CNOT1: variants seen among roughly 807,000 people sequenced by gnomAD.
The protein encoded by CNOT1 is CCR4-NOT transcription complex subunit 1, also known as CCR4-associated factor 1.
CNOT1 carries 15 observed loss-of-function variants against 273.8 expected under a neutral mutation model. The ratio of observed to expected loss-of-function variants is 0.05; its 90% confidence interval spans 0.04 to 0.08. The LOEUF (loss-of-function observed/expected upper bound fraction) is 0.08, where lower values mean the gene tolerates loss of function less well. Among genes scored for constraint, CNOT1 ranks in the 10% least tolerant of loss-of-function variants. The probability of loss-of-function intolerance (pLI) is 1.00; values close to 1 mark genes in which losing one functional copy is unlikely to be tolerated. For missense variants in CNOT1, 1,644 were observed against 2,912.2 expected (o/e 0.56, Z 10.02); for synonymous variants, 1,022 against 1,005.5 (o/e 1.02, Z -0.31).
intron 30 of CNOT1, 30 bp from the exon 31 acceptor site, chr16:58,543,933 C>A: frequency 6.4e-7 from 1 of 1,560,532 alleles, no homozygotes; most frequent in East Asian, 2.3e-5. Context: ...AAAGTCAACA[C>A]CTTGTTTAAA....
chr16:58,619,355 C>T (rs2043216687), intron 1 of CNOT1, among the ~76,000 whole-genome samples: 1 of 152,022 alleles, frequency 6.6e-6, no homozygotes, highest in Admixed American at 6.6e-5. Context: ...AGCAGAACTG[C>T]AAATTTATTA....
intron 1 of CNOT1, among the ~76,000 whole-genome samples, chr16:58,606,704 G>A (rs1167321007): frequency 6.6e-6 from 1 of 151,996 alleles, no homozygotes; most frequent in Non-Finnish European, 1.5e-5. Context: ...TAGGGAGGCT[G>A]AGGCAGGGAG....
chr16:58,523,752 A>G (rs548315750), intron 46 of CNOT1: 1 of 313,152 alleles, frequency 3.2e-6, no homozygotes, highest in East Asian at 5.5e-5. Flanking sequence ...TGTAAGAAAC[A>G]TGAACTATTT....
chr16:58,585,429 T>A lies in CNOT1; in HGVS notation c.715A>T (p.Ile239Phe). Residue 239 changes from isoleucine to phenylalanine, a missense_variant, in exon 8 of 49, where the codon ATC becomes TTC. This residue lies in a region of CNOT1 where 706 missense variants were observed against 1,021.2 expected (regional missense o/e 0.69). Coordinates refer to ENST00000317147, the MANE Select transcript of CNOT1 (RefSeq NM_016284.5). Reference sequence around the variant, plus strand: ...GCTACCCCTCCGGAATCAGGCAGGATCCTGTCCATTAGAATGTCCCGTTTT... The same window carrying A: ...GCTACCCCTCCGGAATCAGGCAGGAACCTGTCCATTAGAATGTCCCGTTTT... Reference protein sequence around the residue: ...PEKRDILMDRILPDSGGVAKT... With the variant: ...PEKRDILMDRFLPDSGGVAKT... 1 of 1,613,880 alleles carries A rather than the reference T, an allele frequency of 6.2e-7. No homozygotes were observed. Among genetic ancestry groups the A allele is most frequent in the Non-Finnish European group, 8.5e-7 (1 of 1,180,014 alleles).
intron 1 of CNOT1, among the ~76,000 whole-genome samples, chr16:58,602,515 T>C (rs2042503695): frequency 8.1e-6 from 1 of 123,734 alleles, no homozygotes. Flanking sequence ...ATCACACCAC[T>C]GCACTCTGGC....
At chr16:58,527,484 G>A (rs769450071) in intron 44 of CNOT1, among the ~76,000 whole-genome samples, 73 of 151,952 alleles carry the variant, frequency 4.8e-4, no homozygotes, top group African/African-American at 1.2e-3. Context: ...CTGAGATTGC[G>A]CCACTGCACT....
intron 1 of CNOT1, among the ~76,000 whole-genome samples, chr16:58,600,863 G>A (rs561242517): frequency 6.6e-6 from 1 of 152,340 alleles, no homozygotes; most frequent in East Asian, 1.9e-4. Flanking sequence ...ACTTTGGGAG[G>A]ATGAGGTGGG....
In CNOT1 at chr16:58,553,762, T is replaced by G. The variant is rs758608790; in HGVS notation, c.2970+20A>C. The G allele has an allele frequency of 6.2e-7, 1 of 1,604,330 alleles. No individual in the cohort carries two copies. Among genetic ancestry groups the G allele is most frequent in the African/African-American group, 1.4e-5 (1 of 74,062 alleles). On this transcript the variant is annotated intron_variant, in intron 22 of 48. Transcript: ENST00000317147. ...AAATACTACATAGCTATTTGGGTTT[T>G]AGTTACAGAGGGCACTTACCTCCTG...
intron 16 of CNOT1, among the ~76,000 whole-genome samples, chr16:58,571,784 C>A (rs1203889219): frequency 6.6e-6 from 1 of 151,990 alleles, no homozygotes; most frequent in Non-Finnish European, 1.5e-5. Flanking sequence ...TTGAGACCAG[C>A]CAGGCCAACA....
intron 31 of CNOT1, 42 bp downstream of exon 31, chr16:58,543,565 G>A: frequency 6.2e-7 from 1 of 1,613,906 alleles, no homozygotes; most frequent in Non-Finnish European, 8.5e-7. Flanking sequence ...CAGACAAGCA[G>A]TAATACGTTT....
At chr16:58,531,043 CTT>C (rs1360366850) in intron 42 of CNOT1, among the ~76,000 whole-genome samples, 6 of 152,290 alleles carry the variant, frequency 3.9e-5, no homozygotes, top group African/African-American at 1.4e-4. Context: ...CAGCCATTTC[CTT>C]TCTCTCTTCC....
chr16:58,546,807 T>A (rs2040270022), intron 27 of CNOT1, 58 bp from the exon 28 acceptor site: 1 of 1,605,060 alleles, frequency 6.2e-7, no homozygotes, highest in African/African-American at 1.3e-5. Flanking sequence ...TTTGGATTAT[T>A]TAAAACAATT....
intron 2 of CNOT1, among the ~76,000 whole-genome samples, chr16:58,590,712 C>G (rs1269864197): frequency 1.3e-5 from 2 of 152,206 alleles, no homozygotes; most frequent in African/African-American, 4.8e-5. Flanking sequence ...TTACAGTGAG[C>G]TATGATGGTG....
At chr16:58,544,234 C>T (rs1204755148) in intron 30 of CNOT1, among the ~76,000 whole-genome samples, 1 of 152,066 alleles carries the variant, frequency 6.6e-6, no homozygotes, top group African/African-American at 2.4e-5. Context: ...TAAAAGAAAG[C>T]AACTTCTCCA....
chr16:58,607,721 C>CAAAAAAAAAAAAAAA (rs71385179), intron 1 of CNOT1, among the ~76,000 whole-genome samples: 29 of 66,986 alleles, frequency 4.3e-4, no homozygotes, highest in Admixed American at 5.4e-4. Context: ...CAGCAAAACT[C>CAAAAAAAAAAAAAAA]AAAAAAAAAA....
intron 16 of CNOT1, among the ~76,000 whole-genome samples, chr16:58,570,225 G>T (rs1410636755): frequency 6.6e-6 from 1 of 152,166 alleles, no homozygotes; most frequent in Non-Finnish European, 1.5e-5. Context: ...GCTGAAACAA[G>T]AAAAATTCAA....
chr16:58,578,988 C>G lies in CNOT1; in HGVS notation c.1344-49G>C, dbSNP rs765863596. 14 of 1,589,756 alleles carry G rather than the reference C, an allele frequency of 8.8e-6. No homozygotes were observed. The South Asian group carries it at 1.6e-4, about 18-fold the overall frequency. Reference sequence around the variant, plus strand: ...CTTTATCAATGAAAATCCAAGTATACAGATTAATTTTCAAAATAAGTGATA... The same window carrying G: ...CTTTATCAATGAAAATCCAAGTATAGAGATTAATTTTCAAAATAAGTGATA... On this transcript the variant is annotated intron_variant, in intron 12 of 48. Transcript: ENST00000317147.
At position 58,587,865 on chromosome 16, in the gene CNOT1, A is replaced by G; in HGVS notation, c.224T>C (p.Ile75Thr). The change falls in exon 4 of 49, where the codon ATT (isoleucine) becomes ACT (threonine). Residue 75 changes from isoleucine to threonine, a missense_variant. Physicochemically the swap from Ile to Thr is moderately conservative, Grantham distance 89. This residue lies in a region of CNOT1 where 706 missense variants were observed against 1,021.2 expected (regional missense o/e 0.69). Transcript: ENST00000317147. The stretch of plus-strand genomic sequence containing the variant: ...TGTAATCAGCAACGCACACTCCTGA[A>G]TCAGAAACTGAGTCTTTAAAAATAA... ...GKDFHQTQFL[I>T]QECALLITKP... 6.2e-7 allele frequency: 1 copy of G among 1,613,466 alleles called. No homozygotes were observed. Among genetic ancestry groups the G allele is most frequent in the South Asian group, 1.1e-5 (1 of 91,056 alleles).
intron 13 of CNOT1, among the ~76,000 whole-genome samples, chr16:58,578,210 T>C (rs1212779620): frequency 1.3e-5 from 2 of 152,072 alleles, no homozygotes; most frequent in African/African-American, 4.8e-5. Flanking sequence ...TCCCAGAACT[T>C]TGGGAGGCCG....
Sources: gnomAD v4.1 joint callset for allele counts (sites outside exome capture counted in the v4.1 genomes callset) on GRCh38, gnomAD v4.1.1 for gene constraint, gnomAD v4.1.1 regional missense constraint, MANE v1.5 for transcripts, NCBI Gene and HGNC (gene_info 2026-07-23, HGNC 2026-07-21) for gene names.